Variants in TMCC1 observed in about 807,000 individuals in gnomAD.
The protein encoded by TMCC1 is transmembrane and coiled-coil domain family 1, also known as transmembrane and coiled-coil domains protein 1.
A neutral mutation model predicts 52.4 loss-of-function variants in TMCC1; 15 were observed. The observed-to-expected ratio is 0.29, with a 90% CI of 0.19 to 0.44. The LOEUF (loss-of-function observed/expected upper bound fraction) is 0.44, where lower values mean the gene tolerates loss of function less well. Among genes scored for constraint, TMCC1 ranks in the 20% least tolerant of loss-of-function variants. The pLI is 1.00. For synonymous variants in TMCC1, 279 were observed against 301.9 expected (o/e 0.92, Z 0.79); for missense variants, 503 against 806.0 (o/e 0.62, Z 4.55).
chr3:129,745,612 G>C (rs951018542), intron 4 of TMCC1, among the ~76,000 whole-genome samples: 5 of 151,962 alleles, frequency 3.3e-5, no homozygotes, highest in Admixed American at 2.0e-4. Flanking sequence ...CTTCCCAAAG[G>C]AGAGAGAGAG....
At chr3:129,772,453 C>T (rs545869927) in intron 4 of TMCC1, among the ~76,000 whole-genome samples, 16 of 152,098 alleles carry the variant, frequency 1.1e-4, no homozygotes, top group Admixed American at 3.3e-4. Flanking sequence ...TGGTGGCTCA[C>T]GCCTGTAATC....
chr3:129,767,282 C>T lies in TMCC1; in HGVS notation c.576+60521G>A, dbSNP rs1420385043. ...TTTAAAAAAAAAAAAAAAAAAGATA[C>T]AAGGCATGCATTGTATAATTTATCC... On this transcript the variant is annotated intron_variant, in intron 4 of 6. Coordinates refer to ENST00000393238, the MANE Select transcript of TMCC1 (RefSeq NM_001017395.5). 4.7e-5 allele frequency among the ~76,000 whole-genome samples: 7 copies of T among 148,520 alleles called. No individual in the cohort carries two copies. The East Asian group carries it at 1.4e-3, about 29-fold the overall frequency.
At chr3:129,793,026 T>C (rs1003922967) in intron 4 of TMCC1, among the ~76,000 whole-genome samples, 1 of 152,192 alleles carries the variant, frequency 6.6e-6, no homozygotes, top group African/African-American at 2.4e-5. Context: ...GACACTCTTG[T>C]GCAGGAACGT....
chr3:129,717,350 A>G lies in TMCC1; in HGVS notation c.577-46086T>C, dbSNP rs191690388. On this transcript the variant is annotated intron_variant, in intron 4 of 6. Coordinates refer to ENST00000393238, the MANE Select transcript of TMCC1 (RefSeq NM_001017395.5). ...TTCCTTTCTCCTATGAAGAATTTCC[A>G]TACTTGGTTTTCCAGTACACCATCC... Among the ~76,000 whole-genome samples the G allele has an allele frequency of 2.1e-4, 32 of 152,282 alleles. 1 individual carries two copies. The South Asian group carries it at 6.2e-3, about 30-fold the overall frequency.
intron 4 of TMCC1, among the ~76,000 whole-genome samples, chr3:129,821,872 C>T (rs1258559147): frequency 6.6e-6 from 1 of 151,974 alleles, no homozygotes; most frequent in Non-Finnish European, 1.5e-5. Context: ...CAAGACCAGC[C>T]TGGGCAACAC....
At chr3:129,734,781 A>G (rs2050812681) in intron 4 of TMCC1, among the ~76,000 whole-genome samples, 3 of 152,222 alleles carry the variant, frequency 2.0e-5, no homozygotes, top group African/African-American at 4.8e-5. Flanking sequence ...GGAATGGTAC[A>G]CAAAAAAATG....
At chr3:129,792,524 T>C (rs1221553825) in intron 4 of TMCC1, among the ~76,000 whole-genome samples, 1 of 152,120 alleles carries the variant, frequency 6.6e-6, no homozygotes, top group Non-Finnish European at 1.5e-5. Context: ...TTTATTTTTA[T>C]ATTTTTAGTA....
At chr3:129,850,635 C>T (rs1485040121) in intron 2 of TMCC1, among the ~76,000 whole-genome samples, 1 of 152,076 alleles carries the variant, frequency 6.6e-6, no homozygotes, top group Non-Finnish European at 1.5e-5. Flanking sequence ...GACCCTAACC[C>T]AGTGGAGCTA....
intron 4 of TMCC1, among the ~76,000 whole-genome samples, chr3:129,819,333 T>C (rs960029463): frequency 7.2e-5 from 11 of 152,160 alleles, no homozygotes; most frequent in Admixed American, 1.3e-4. Context: ...TCCGCCCGCC[T>C]CGGCCTCCCA....
At chr3:129,736,302 T>G (rs2050954639) in intron 4 of TMCC1, among the ~76,000 whole-genome samples, 1 of 152,208 alleles carries the variant, frequency 6.6e-6, no homozygotes, top group Non-Finnish European at 1.5e-5. Flanking sequence ...CTGTATCCCG[T>G]GCAGAGCCTG....
At chr3:129,860,370 C>A (rs9815126) in intron 2 of TMCC1, among the ~76,000 whole-genome samples, 1 of 151,828 alleles carries the variant, frequency 6.6e-6, no homozygotes, top group Non-Finnish European at 1.5e-5. Context: ...GCGCCCAGCC[C>A]GTGAGTGGAA....
chr3:129,692,820 A>C (rs1354244667), intron 4 of TMCC1, among the ~76,000 whole-genome samples: 2 of 152,186 alleles, frequency 1.3e-5, no homozygotes, highest in Admixed American at 6.6e-5. Flanking sequence ...TTTGTTAAAG[A>C]ATGTAAAAGA....
intron 4 of TMCC1, among the ~76,000 whole-genome samples, chr3:129,684,859 C>T (rs1344995748): frequency 6.6e-6 from 1 of 152,102 alleles, no homozygotes; most frequent in Non-Finnish European, 1.5e-5. Context: ...ATTATGGATA[C>T]AGGTTGTGAA....
intron 4 of TMCC1, among the ~76,000 whole-genome samples, chr3:129,751,156 C>G (rs1386467003): frequency 6.6e-6 from 1 of 151,854 alleles, no homozygotes; most frequent in Non-Finnish European, 1.5e-5. Flanking sequence ...AGCTGAGATC[C>G]TGCCACTGCA....
At chr3:129,701,174 A>T (rs2047798445) in intron 4 of TMCC1, among the ~76,000 whole-genome samples, 1 of 152,226 alleles carries the variant, frequency 6.6e-6, no homozygotes, top group Non-Finnish European at 1.5e-5. Flanking sequence ...AAAGTGGCAA[A>T]AGATGGGAAA....
At chr3:129,719,236 C>A (rs2049367113) in intron 4 of TMCC1, among the ~76,000 whole-genome samples, 1 of 152,072 alleles carries the variant, frequency 6.6e-6, no homozygotes, top group African/African-American at 2.4e-5. Context: ...TCAATCACAC[C>A]CACATAATGA....
Position 129,870,718 on chromosome 3 carries a change from C to G in TMCC1, c.-184+9591G>C, listed in dbSNP as rs113623498. 1.7e-3 allele frequency among the ~76,000 whole-genome samples: 24 copies of G among 13,880 alleles called. No individual in the cohort carries two copies. In the East Asian group the frequency reaches 0.029, roughly 17 times the overall value. The allele number at this position is 13,880 out of a possible 152,430, so 9.1% of individuals were successfully genotyped here. On this transcript the variant is annotated intron_variant, in intron 2 of 6. Transcript: ENST00000393238. ...CGTGCCACTGCACTCCGCGGGTTGG[C>G]GGGGGGGGGGGGGGGGGGGCGACAG...
chr3:129,746,425 C>T (rs950125219), intron 4 of TMCC1, among the ~76,000 whole-genome samples: 5 of 151,758 alleles, frequency 3.3e-5, no homozygotes, highest in East Asian at 1.9e-4. Context: ...GTGATCCGCC[C>T]GCCTCGGCCT....
chr3:129,688,533 A>T (rs1228297199), intron 4 of TMCC1: 2 of 985,420 alleles, frequency 2.0e-6, no homozygotes, highest in African/African-American at 3.5e-5. Context: ...GCACCACATT[A>T]ATACCCTCGC....
Sources: gnomAD v4.1 joint callset for allele counts (sites outside exome capture counted in the v4.1 genomes callset) on GRCh38, gnomAD v4.1.1 for gene constraint, MANE v1.5 for transcripts, NCBI Gene and HGNC (gene_info 2026-07-23, HGNC 2026-07-21) for gene names.